TFIP11: variants seen among roughly 807,000 people sequenced by gnomAD.
TFIP11 encodes the protein tuftelin interacting protein 11.
Under a neutral mutation model 96.8 loss-of-function variants are expected in TFIP11, and 86 were observed. The ratio of observed to expected loss-of-function variants is 0.89; its 90% confidence interval spans 0.75 to 1.06. The LOEUF is 1.06. Among genes scored for constraint, TFIP11 ranks in the 50% least tolerant of loss-of-function variants. TFIP11 has a pLI of 0.00. For missense variants in TFIP11, 881 were observed against 1,076.7 expected, an observed-to-expected ratio of 0.82 and a Z score of 2.54; for synonymous variants, 405 against 395.2, an observed-to-expected ratio of 1.02 and a Z score of -0.29.
At chr22:26,504,378 GC>G (rs1317998417) in intron 6 of TFIP11, among the ~76,000 whole-genome samples, 2 of 152,024 alleles carry the variant, frequency 1.3e-5, no homozygotes, top group Non-Finnish European at 2.9e-5. Flanking sequence ...TTCCATCCCT[GC>G]CCCCCTTCCA....
At chr22:26,507,065 T>C in intron 4 of TFIP11, 137 bp from the exon 5 acceptor site, 1 of 1,088,426 alleles carries the variant, frequency 9.2e-7, no homozygotes, top group Non-Finnish European at 1.3e-6. Flanking sequence ...GTAACACATT[T>C]TTTAATGTGT....
chr22:26,494,173 A>T lies in TFIP11; in HGVS notation c.2124T>A (p.Leu708=). 6.2e-7 allele frequency: 1 copy of T among 1,614,208 alleles called. No homozygotes were observed. The highest frequency in any genetic ancestry group is 8.5e-7 in the Non-Finnish European group (1 of 1,180,036). ...PSVKDKFNEA[L]DIMNRAVSSN... ...AGGACACCGCCCGGTTCATGATATC[A>T]AGTGCCTCATTAAATTTGTCCTTGA... Residue 708 remains leucine, a synonymous_variant, in exon 14 of 15, where the codon CTT becomes CTA. Coordinates refer to ENST00000407690, the MANE Select transcript of TFIP11 (RefSeq NM_012143.4).
Position 26,494,943 on chromosome 22 carries a change from G to A in TFIP11, c.1850-4C>T. The A allele has an allele frequency of 6.2e-7, 1 of 1,614,156 alleles. No homozygotes were observed. The highest frequency in any genetic ancestry group is 8.5e-7 in the Non-Finnish European group (1 of 1,180,028). ...ACTAGCTCACCAAGACACATCCCTGGAAGAGAAACCCGGTCTGTAAGGCAC... is the reference window on the plus strand; with the variant it reads ...ACTAGCTCACCAAGACACATCCCTGAAAGAGAAACCCGGTCTGTAAGGCAC... On this transcript the variant is annotated splice_polypyrimidine_tract_variant and splice_region_variant and intron_variant, in intron 12 of 14. Transcript: ENST00000407690.
chr22:26,509,958 C>T (rs576709471), intron 4 of TFIP11, 106 bp downstream of exon 4: 1 of 1,215,582 alleles, frequency 8.2e-7, no homozygotes, highest in African/African-American at 1.5e-5. Context: ...ACAGTCTCAA[C>T]AAGGCCAGGT....
intron 4 of TFIP11, among the ~76,000 whole-genome samples, chr22:26,509,126 A>G (rs936572628): frequency 6.6e-6 from 1 of 152,132 alleles, no homozygotes; most frequent in Non-Finnish European, 1.5e-5. Flanking sequence ...CACACCAGCA[A>G]AAGGGTCTTC....
chr22:26,491,772 G>T lies in TFIP11; in HGVS notation c.*241C>A, dbSNP rs114590603. The T allele has an allele frequency of 1.8e-4, 203 of 1,159,372 alleles. No individual in the cohort carries two copies. In the African/African-American group the frequency reaches 2.6e-3, roughly 15 times the overall value. 71.8% of individuals were successfully genotyped at this position (1,159,372 alleles called of 1,614,324 possible). A position where few individuals can be genotyped will look rare whatever the true frequency, so the allele number is the denominator to read the frequency against. ...GAACTACAGAGAACTCCTTTGCCAG[G>T]AAAGAACATCAACTTGGCTGTCCTG... is the stretch of plus-strand genomic sequence containing the variant. On this transcript the variant is annotated 3_prime_UTR_variant, in exon 15 of 15. Coordinates refer to ENST00000407690, the MANE Select transcript of TFIP11 (RefSeq NM_012143.4).
At chr22:26,506,139 T>A in intron 6 of TFIP11, 164 bp downstream of exon 6, 1 of 630,378 alleles carries the variant, frequency 1.6e-6, no homozygotes, top group Non-Finnish European at 2.5e-6. Context: ...AACTTGAGCT[T>A]TGATAAAGCA....
rs145674796 is a variant in TFIP11, at chr22:26,509,812, C to T, written c.209+252G>A. Among the ~76,000 whole-genome samples the T allele has an allele frequency of 6.3e-4, 96 of 152,164 alleles. 3 individuals carry two copies. In the South Asian group the frequency reaches 0.01, roughly 16 times the overall value. On this transcript the variant is annotated intron_variant, in intron 4 of 14. Coordinates refer to ENST00000407690, the MANE Select transcript of TFIP11 (RefSeq NM_012143.4). ...TGGAGGTTGCAGCTAGCCAAGAGCA[C>T]GTCACTGCACTCCAACCTGGGCAAC...
chr22:26,501,940 T>A lies in TFIP11; in HGVS notation c.761A>T (p.Lys254Met). The A allele has an allele frequency of 6.2e-7, 1 of 1,613,940 alleles. No individual in the cohort carries two copies. The highest frequency in any genetic ancestry group is 8.5e-7 in the Non-Finnish European group (1 of 1,179,988). Residue 254 changes from lysine to methionine, a missense_variant, in exon 8 of 15, where the codon AAG (lysine) becomes ATG (methionine). Coordinates refer to ENST00000407690, the MANE Select transcript of TFIP11 (RefSeq NM_012143.4). Reference sequence around the variant, plus strand: ...TTCCTTCTGGGGAGCAGTGAGCTTCTTGCTAATCCTGCCCTTGGCCTTCAA... The same window carrying A: ...TTCCTTCTGGGGAGCAGTGAGCTTCATGCTAATCCTGCCCTTGGCCTTCAA... ...EELKAKGRIS[K>M]KLTAPQKELS...
At chr22:26,511,325 G>A (rs541361044) in intron 2 of TFIP11, 2 of 121,840 alleles carry the variant, frequency 1.6e-5, no homozygotes, top group Non-Finnish European at 3.4e-5. Context: ...CAGCTGATTA[G>A]ATTATGCCCA....
At position 26,491,309 on chromosome 22, in the gene TFIP11, A is replaced by C; in HGVS notation, c.*704T>G. 1 of 751,354 alleles carries C rather than the reference A, an allele frequency of 1.3e-6. No homozygotes were observed. The highest frequency in any genetic ancestry group is 1.9e-5 in the South Asian group (1 of 53,624). 46.5% of individuals were successfully genotyped at this position (751,354 alleles called of 1,614,324 possible). On this transcript the variant is annotated 3_prime_UTR_variant, in exon 15 of 15. Coordinates refer to ENST00000407690, the MANE Select transcript of TFIP11 (RefSeq NM_012143.4). ...GATATCCACTGTCCTTGGGGCGCCC[A>C]ATTCATTGTGCAAAAGCATTTAAAT... is the stretch of plus-strand genomic sequence containing the variant.
chr22:26,509,558 A>G lies in TFIP11; in HGVS notation c.209+506T>C, dbSNP rs11090443. Among the ~76,000 whole-genome samples, 331 of 152,296 alleles carry G rather than the reference A, an allele frequency of 2.2e-3. 3 individuals carry two copies. The highest frequency in any genetic ancestry group is 2.7e-3 in the Non-Finnish European group (184 of 68,028). On this transcript the variant is annotated intron_variant, in intron 4 of 14. Coordinates refer to ENST00000407690, the MANE Select transcript of TFIP11 (RefSeq NM_012143.4). ...CATAGCAATCGCTCAATAAACACTG[A>G]TAATTAAATCAGTGAGGCCAGGCGT...
rs913609812 is a variant in TFIP11 at position 26,510,097 on chromosome 22, G to A, written c.176C>T (p.Ser59Leu). ...TCCAAAGCTGGGCCTCTCATCATCC[G>A]AGTCTCGCTCTGCCCACACCCCGTA... ...ATYGVWAERD[S>L]DDERPSFGGK... The change falls in exon 4 of 15, where the codon TCG becomes TTG. Residue 59 changes from serine to leucine, a missense_variant. Ser to Leu is a moderately radical substitution (Grantham distance 145). Transcript: ENST00000407690. The A allele has an allele frequency of 1.7e-5, 28 of 1,613,810 alleles. No homozygotes were observed. The highest frequency in any genetic ancestry group is 2.0e-5 in the Non-Finnish European group (24 of 1,180,042).
In TFIP11 at chr22:26,499,769, G is replaced by A. The variant is rs147945722; in HGVS notation, c.802-138C>T. Reference sequence around the variant, plus strand: ...AACAGAGCTGGAGAAGGGCAGTGTTGTAAAGTGGGAACCATACTGTCCTAG... The same window carrying A: ...AACAGAGCTGGAGAAGGGCAGTGTTATAAAGTGGGAACCATACTGTCCTAG... On this transcript the variant is annotated intron_variant, in intron 8 of 14. Transcript: ENST00000407690. 279 of 911,038 alleles carry A rather than the reference G, an allele frequency of 3.1e-4. 2 individuals carry two copies. In the African/African-American group the frequency reaches 4.1e-3, roughly 13 times the overall value. 56.4% of individuals were successfully genotyped at this position (911,038 alleles called of 1,614,324 possible). A position where few individuals can be genotyped will look rare whatever the true frequency, so the allele number is the denominator to read the frequency against.
intron 12 of TFIP11, among the ~76,000 whole-genome samples, chr22:26,495,386 T>C (rs1921821158): frequency 7.1e-6 from 1 of 141,090 alleles, no homozygotes; most frequent in Admixed American, 7.6e-5. Flanking sequence ...CAAGCCATCC[T>C]CCCGCCTCAG....
At chr22:26,505,184 G>A (rs1923246887) in intron 6 of TFIP11, among the ~76,000 whole-genome samples, 1 of 152,146 alleles carries the variant, frequency 6.6e-6, no homozygotes, top group Non-Finnish European at 1.5e-5. Flanking sequence ...AGCTCAAGAA[G>A]AGGGGGAAAT....
intron 7 of TFIP11, among the ~76,000 whole-genome samples, chr22:26,502,710 T>C (rs1185462397): frequency 2.6e-5 from 4 of 152,208 alleles, no homozygotes; most frequent in African/African-American, 4.8e-5. Flanking sequence ...TAAAAGTATC[T>C]AGACATCTGG....
Position 26,506,297 on chromosome 22 carries a change from C to T in TFIP11, c.520+6G>A. Reference sequence around the variant, plus strand: ...TCCATCATGCAAGACGACAAAGGTGCAATACCTTGTGCATTCTTCCCGAGG... The same window carrying T: ...TCCATCATGCAAGACGACAAAGGTGTAATACCTTGTGCATTCTTCCCGAGG... On this transcript the variant is annotated splice_donor_region_variant and intron_variant, in intron 6 of 14. Transcript: ENST00000407690. 1 of 1,600,232 alleles carries T rather than the reference C, an allele frequency of 6.2e-7. No individual in the cohort carries two copies. The highest frequency in any genetic ancestry group is 1.1e-5 in the South Asian group (1 of 88,330).
chr22:26,498,788 T>C, intron 10 of TFIP11, 81 bp downstream of exon 10: 1 of 1,110,294 alleles, frequency 9.0e-7, no homozygotes, highest in Non-Finnish European at 1.4e-6. Flanking sequence ...CCAGCACTGC[T>C]GCCTTCCCCC....
Sources: allele counts gnomAD v4.1 joint callset (sites outside exome capture counted in the v4.1 genomes callset), GRCh38; gene constraint gnomAD v4.1.1; transcripts MANE v1.5; gene names NCBI Gene and HGNC (gene_info 2026-07-23, HGNC 2026-07-21).